Variants in TBCEL observed in about 807,000 individuals in gnomAD.
The protein encoded by TBCEL is tubulin folding cofactor E like.
TBCEL carries 15 observed loss-of-function variants against 44.2 expected under a neutral mutation model. The ratio of observed to expected loss-of-function variants is 0.34; its 90% CI spans 0.23 to 0.52. The LOEUF is 0.52. Among genes scored for constraint, TBCEL ranks in the 20% least tolerant of loss-of-function variants. The pLI is 0.95. For missense variants in TBCEL, 319 were observed against 506.3 expected, an observed-to-expected ratio of 0.63 and a Z score of 3.55; for synonymous variants, 171 against 185.4, an observed-to-expected ratio of 0.92 and a Z score of 0.63.
chr11:121,074,806 G>A (rs964154831), intron 8 of TBCEL, among the ~76,000 whole-genome samples: 13 of 151,754 alleles, frequency 8.6e-5, no homozygotes, highest in East Asian at 1.9e-4. Context: ...CCAGAATGTC[G>A]GATAAATGGA....
chr11:121,037,134 C>T (rs1016032075), intron 2 of TBCEL, among the ~76,000 whole-genome samples: 11 of 152,222 alleles, frequency 7.2e-5, no homozygotes, highest in Admixed American at 1.3e-4. Context: ...CACATTACTA[C>T]ACTTGGGTAT....
Position 121,065,069 on chromosome 11 carries a change from G to A in TBCEL, c.956+4984G>A, listed in dbSNP as rs370536828. ...TCTTGATCTCCTGACCTCGTGATCCGCCTGCCTCGGCCTCCCAAAGTGCTG... is the reference window on the plus strand; with the variant it reads ...TCTTGATCTCCTGACCTCGTGATCCACCTGCCTCGGCCTCCCAAAGTGCTG... On this transcript the variant is annotated intron_variant, in intron 8 of 8. Coordinates refer to ENST00000683345, the MANE Select transcript of TBCEL (RefSeq NM_001363644.2). Among the ~76,000 whole-genome samples, 10 of 152,098 alleles carry A rather than the reference G, an allele frequency of 6.6e-5. No homozygotes were observed. The South Asian group carries it at 8.3e-4, about 13-fold the overall frequency.
At chr11:121,084,500 C>A (rs1418855293) in intron 8 of TBCEL, among the ~76,000 whole-genome samples, 1 of 152,014 alleles carries the variant, frequency 6.6e-6, no homozygotes, top group Non-Finnish European at 1.5e-5. Context: ...CTCCTTTATT[C>A]TTTTTGCTGT....
intron 1 of TBCEL, among the ~76,000 whole-genome samples, chr11:121,033,328 C>T (rs1945175679): frequency 6.6e-6 from 1 of 152,110 alleles, no homozygotes; most frequent in Non-Finnish European, 1.5e-5. Flanking sequence ...TTTGTAAAGG[C>T]AAATGCCCTT....
chr11:121,052,865 GACTAGT>G (rs1305191346), intron 4 of TBCEL, among the ~76,000 whole-genome samples: 2 of 151,824 alleles, frequency 1.3e-5, no homozygotes, highest in Non-Finnish European at 2.9e-5. Context: ...ATATCAAAGA[GACTAGT>G]ACCATGCAGA....
intron 8 of TBCEL, among the ~76,000 whole-genome samples, chr11:121,071,537 C>T (rs1428893735): frequency 1.3e-5 from 2 of 152,134 alleles, no homozygotes; most frequent in Non-Finnish European, 2.9e-5. Flanking sequence ...TTCTTAGAGG[C>T]TTTTCTTTGC....
rs540540237 is a variant in TBCEL at position 121,077,281 on chromosome 11, G to A, written c.957-9497G>A. On this transcript the variant is annotated intron_variant, in intron 8 of 8. Coordinates refer to ENST00000683345, the MANE Select transcript of TBCEL (RefSeq NM_001363644.2). ...GAGCCTGGTGTTTTCTTTGCTGGAG[G>A]TTTTAACTATGAATTAAATTTATTT... Among the ~76,000 whole-genome samples, 5 of 152,078 alleles carry A rather than the reference G, an allele frequency of 3.3e-5. No individual in the cohort carries two copies. The South Asian group carries it at 1.0e-3, about 31-fold the overall frequency.
At chr11:121,073,756 T>G (rs1281062577) in intron 8 of TBCEL, among the ~76,000 whole-genome samples, 1 of 151,956 alleles carries the variant, frequency 6.6e-6, no homozygotes, top group African/African-American at 2.4e-5. Context: ...CTATCTCTAT[T>G]TTTCTAAGAG....
chr11:121,060,404 A>AC (rs1456421371), intron 8 of TBCEL, among the ~76,000 whole-genome samples: 3 of 151,432 alleles, frequency 2.0e-5, no homozygotes, highest in African/African-American at 4.9e-5. Flanking sequence ...ATTTTTACCT[A>AC]CCCCCCCAAA....
intron 1 of TBCEL, among the ~76,000 whole-genome samples, chr11:121,031,878 G>A (rs1945152822): frequency 1.3e-5 from 2 of 151,796 alleles, no homozygotes; most frequent in African/African-American, 4.8e-5. Flanking sequence ...GGCTGGTCCT[G>A]AACTCCTGGG....
chr11:121,026,720 A>G (rs746775138), intron 1 of TBCEL, among the ~76,000 whole-genome samples: 15 of 152,338 alleles, frequency 9.8e-5, no homozygotes, highest in Admixed American at 6.5e-5. Flanking sequence ...GCCATCCTTT[A>G]AAAATGACCT....
intron 7 of TBCEL, 77 bp from the exon 8 acceptor site, chr11:121,059,891 AC>A (rs1355891560): frequency 1.1e-5 from 11 of 1,009,074 alleles, no homozygotes; most frequent in Non-Finnish European, 1.6e-5. Flanking sequence ...AGACTGGGCC[AC>A]AAGCCAATTA....
intron 2 of TBCEL, among the ~76,000 whole-genome samples, chr11:121,039,859 G>T (rs1945299978): frequency 6.7e-6 from 1 of 150,050 alleles, no homozygotes; most frequent in African/African-American, 2.4e-5. Flanking sequence ...CAAAATATTG[G>T]CAGTAGCTTT....
intron 8 of TBCEL, among the ~76,000 whole-genome samples, chr11:121,077,534 AG>A (rs1300641823): frequency 6.6e-6 from 1 of 152,092 alleles, no homozygotes; most frequent in Non-Finnish European, 1.5e-5. Context: ...GTCCAGCTAG[AG>A]GTTTATCAAA....
At chr11:121,035,541 G>A (rs1162797144) in intron 1 of TBCEL, 1 of 151,408 alleles carries the variant, frequency 6.6e-6, no homozygotes, top group Non-Finnish European at 1.5e-5. Context: ...CAACATTCTG[G>A]CAATCCCTGG....
At position 121,047,935 on chromosome 11, in the gene TBCEL, TAAAAA is replaced by T. The variant is rs141948107; in HGVS notation, c.273+286_273+290del. ...ACATAGCAAGAACCCATCTTTAATT[TAAAAA>T]AAAAAAAAAAAAAAAAAGGCAAATA... On this transcript the variant is annotated intron_variant, in intron 4 of 8. Transcript: ENST00000683345. 128 of 115,148 alleles carry T rather than the reference TAAAAA, an allele frequency of 1.1e-3. 2 individuals carry two copies. Among genetic ancestry groups the T allele is most frequent in the Non-Finnish European group, 1.1e-3 (61 of 57,406 alleles). 7.1% of individuals were successfully genotyped at this position (115,148 alleles called of 1,614,324 possible).
intron 2 of TBCEL, among the ~76,000 whole-genome samples, chr11:121,041,559 T>G (rs1565493777): frequency 6.6e-6 from 1 of 152,158 alleles, no homozygotes; most frequent in East Asian, 1.9e-4. Context: ...AGAACTCTGC[T>G]AACTATAGAG....
In TBCEL at chr11:121,025,435, T is replaced by C. The variant is rs531849434; in HGVS notation, c.-126+1144T>C. 2.0e-5 allele frequency among the ~76,000 whole-genome samples: 3 copies of C among 152,160 alleles called. No individual in the cohort carries two copies. The East Asian group carries it at 5.8e-4, about 29-fold the overall frequency. ...AAAAAAAAATTATGCCCCACAGTAATAAGTATGTCTTACATTCAGATCTAG... is the reference window on the plus strand; with the variant it reads ...AAAAAAAAATTATGCCCCACAGTAACAAGTATGTCTTACATTCAGATCTAG... On this transcript the variant is annotated intron_variant, in intron 1 of 8. Transcript: ENST00000683345.
chr11:121,085,259 C>T (rs965225340), intron 8 of TBCEL, among the ~76,000 whole-genome samples: 10 of 152,002 alleles, frequency 6.6e-5, no homozygotes, highest in Admixed American at 1.3e-4. Flanking sequence ...AGGCTGGTCT[C>T]GAACTCCTGA....
Sources: gnomAD v4.1 joint callset for allele counts (sites outside exome capture counted in the v4.1 genomes callset) on GRCh38, gnomAD v4.1.1 for gene constraint, MANE v1.5 for transcripts, NCBI Gene and HGNC (gene_info 2026-07-23, HGNC 2026-07-21) for gene names.